Variants in PBX1 observed in about 807,000 individuals in gnomAD.
PBX1 encodes pre-B-cell leukemia transcription factor 1.
A neutral mutation model predicts 53.4 loss-of-function variants in PBX1; 6 were observed. The observed-to-expected ratio is 0.11, with a 90% CI of 0.06 to 0.22. PBX1 has a LOEUF of 0.22. PBX1 is among the 10% of genes least tolerant of loss of function. The pLI, the probability that PBX1 is intolerant of heterozygous loss-of-function variation, is 1.00. For missense variants in PBX1, 251 were observed against 551.4 expected (o/e 0.46, Z 5.46); for synonymous variants, 204 against 212.3 (o/e 0.96, Z 0.34).
chr1:164,869,035 T>C (rs1672287246), intron 2 of PBX1, among the ~76,000 whole-genome samples: 1 of 152,188 alleles, frequency 6.6e-6, no homozygotes, highest in Non-Finnish European at 1.5e-5. Flanking sequence ...GTTTTTTCTG[T>C]CTCTGGCATG....
At chr1:164,777,975 A>C (rs545935298) in intron 2 of PBX1, among the ~76,000 whole-genome samples, 14 of 152,310 alleles carry the variant, frequency 9.2e-5, no homozygotes, top group African/African-American at 2.9e-4. Flanking sequence ...CCTTGATACA[A>C]GTGTTAGATG....
At chr1:164,805,615 C>G (rs772606280) in intron 4 of PBX1, among the ~76,000 whole-genome samples, 3 of 151,748 alleles carry the variant, frequency 2.0e-5, no homozygotes, top group South Asian at 2.1e-4. Context: ...AATTAGGGAG[C>G]CTTCAGGGTC....
At position 164,846,806 on chromosome 1, in the gene PBX1, C is replaced by CCTTCT. The variant is rs1671594297; in HGVS notation, c.*141_*145dup. 5.2e-6 allele frequency: 8 copies of CCTTCT among 1,531,234 alleles called. No homozygotes were observed. In the Admixed American group the frequency reaches 1.4e-4, roughly 27 times the overall value. 94.9% of individuals were successfully genotyped at this position (1,531,234 alleles called of 1,614,324 possible). A position where few individuals can be genotyped will look rare whatever the true frequency, so the allele number is the denominator to read the frequency against. On this transcript the variant is annotated 3_prime_UTR_variant, in exon 9 of 9. Transcript: ENST00000420696. ...CAATCAGCAAACACAATAAGAGTCTCCTTCTCTTCTCTTCTTTGGGATGCT... is the reference window on the plus strand; with the variant it reads ...CAATCAGCAAACACAATAAGAGTCTCCTTCTCTTCTCTTCTCTTCTTTGGGATGCT...
chr1:164,702,908 A>G (rs1157041357), intron 2 of PBX1: 1 of 152,168 alleles, frequency 6.6e-6, no homozygotes, highest in East Asian at 1.9e-4. Context: ...TACTTTGTCT[A>G]TTCTGGAGTG....
At chr1:164,566,060 T>C (rs555503001) in intron 2 of PBX1, among the ~76,000 whole-genome samples, 36 of 152,298 alleles carry the variant, frequency 2.4e-4, no homozygotes, top group African/African-American at 8.7e-4. Context: ...ATTTTTGCTT[T>C]TTTGCATTTG....
At chr1:164,801,450 G>GAA (rs1190359009) in intron 4 of PBX1, among the ~76,000 whole-genome samples, 1,986 of 109,164 alleles carry the variant, frequency 0.018, 53 homozygotes, top group African/African-American at 0.059. Context: ...GGCAGATATT[G>GAA]AAAAAAAAAA....
intron 2 of PBX1, among the ~76,000 whole-genome samples, chr1:164,715,391 A>G (rs935341397): frequency 6.6e-6 from 1 of 152,172 alleles, no homozygotes; most frequent in South Asian, 2.1e-4. Context: ...TTGGTTGTTC[A>G]TGAAGACCTG....
intron 2 of PBX1, among the ~76,000 whole-genome samples, chr1:164,626,527 T>C (rs1658058606): frequency 1.3e-5 from 2 of 152,208 alleles, no homozygotes; most frequent in African/African-American, 4.8e-5. Context: ...GGAAAGGCAA[T>C]GATGTGATCT....
chr1:164,748,647 CA>C, intron 2 of PBX1, among the ~76,000 whole-genome samples: 1 of 152,304 alleles, frequency 6.6e-6, no homozygotes, highest in Non-Finnish European at 1.5e-5. Flanking sequence ...GAAATGTTTA[CA>C]CATTGCAGTT....
chr1:164,852,025 C>A (rs1421610571), downstream of PBX1, among the ~76,000 whole-genome samples: 4 of 152,128 alleles, frequency 2.6e-5, no homozygotes, highest in Non-Finnish European at 5.9e-5. Flanking sequence ...AAGGAAGGAT[C>A]ATTTGTGGGT....
At chr1:164,634,289 C>T (rs10159124) in intron 2 of PBX1, among the ~76,000 whole-genome samples, 10,635 of 152,224 alleles carry the variant, frequency 0.07, 581 homozygotes, top group African/African-American at 0.15. Flanking sequence ...AGATTAGTGC[C>T]GTTGACCTTC....
intron 2 of PBX1, among the ~76,000 whole-genome samples, chr1:164,579,733 T>C (rs1437679839): frequency 1.3e-5 from 2 of 152,056 alleles, no homozygotes; most frequent in East Asian, 1.9e-4. Context: ...CCAGTAGTGG[T>C]GGATCATCCT....
chr1:164,743,112 G>T (rs80136930), intron 2 of PBX1, among the ~76,000 whole-genome samples: 4 of 152,142 alleles, frequency 2.6e-5, no homozygotes, highest in African/African-American at 9.7e-5. Context: ...TAGCCTAAAG[G>T]GGGTGCCTGT....
intron 6 of PBX1, chr1:164,819,794 A>T: frequency 3.2e-6 from 1 of 316,890 alleles, no homozygotes. Flanking sequence ...TAAGTTGGGA[A>T]GAATAAAGGT....
intron 2 of PBX1, among the ~76,000 whole-genome samples, chr1:164,594,149 G>A (rs10442643): frequency 0.41 from 61,692 of 151,972 alleles, 14,003 homozygotes; most frequent in African/African-American, 0.61. Context: ...AGATAAGGAC[G>A]TTGAGCCTCT....
intron 2 of PBX1, among the ~76,000 whole-genome samples, chr1:164,786,716 T>TGCGC (rs779103356): frequency 6.9e-4 from 69 of 99,358 alleles, no homozygotes; most frequent in African/African-American, 2.7e-3. Context: ...TGTGTGTGTG[T>TGCGC]GTGTGCGCGC....
chr1:164,704,829 T>G (rs1663335194), intron 2 of PBX1, among the ~76,000 whole-genome samples: 1 of 152,338 alleles, frequency 6.6e-6, no homozygotes, highest in Admixed American at 6.5e-5. Flanking sequence ...TCTCAGTGTG[T>G]GGGTATAATG....
intron 2 of PBX1, among the ~76,000 whole-genome samples, chr1:164,597,669 T>C (rs979528688): frequency 2.0e-5 from 3 of 152,186 alleles, no homozygotes; most frequent in African/African-American, 7.2e-5. Context: ...AAGTTTCTGC[T>C]ATATTTTAGG....
intron 2 of PBX1, among the ~76,000 whole-genome samples, chr1:164,868,840 C>T (rs1450780000): frequency 1.3e-5 from 2 of 152,152 alleles, no homozygotes; most frequent in Non-Finnish European, 1.5e-5. Context: ...CATTGTGATT[C>T]AGATGGCTCT....
Sources: allele counts gnomAD v4.1 joint callset (sites outside exome capture counted in the v4.1 genomes callset), GRCh38; gene constraint gnomAD v4.1.1; transcripts MANE v1.5; gene names NCBI Gene and HGNC (gene_info 2026-07-23, HGNC 2026-07-21).